ANKS1B: variants seen among roughly 807,000 people sequenced by gnomAD.
ANKS1B encodes ankyrin repeat and sterile alpha motif domain-containing protein 1B.
ANKS1B carries 36 observed loss-of-function variants against 148.3 expected under a neutral mutation model. The observed-to-expected ratio is 0.24, with a 90% CI of 0.19 to 0.32. The LOEUF (loss-of-function observed/expected upper bound fraction) is 0.32. Among genes scored for constraint, ANKS1B ranks in the 10% least tolerant of loss-of-function variants. The pLI is 1.00. For synonymous variants in ANKS1B, 542 were observed against 560.8 expected (o/e 0.97, Z 0.47); for missense variants, 1,157 against 1,542.6 (o/e 0.75, Z 4.19).
intron 9 of ANKS1B, among the ~76,000 whole-genome samples, chr12:99,540,074 G>A (rs1336177587): frequency 2.6e-5 from 4 of 151,360 alleles, no homozygotes; most frequent in Admixed American, 2.6e-4. Context: ...CAAAAAAAAA[G>A]ACATTTTATA....
chr12:99,534,459 G>C lies in ANKS1B; in HGVS notation c.1273-29818C>G, dbSNP rs140096174. On this transcript the variant is annotated intron_variant, in intron 9 of 26. Transcript: ENST00000683438. ...AAATAATGATGAATCCATATGCTGAGAGAAAAGCATTGTGTTCTAAATGAC... is the reference window on the plus strand; with the variant it reads ...AAATAATGATGAATCCATATGCTGACAGAAAAGCATTGTGTTCTAAATGAC... 1.8e-3 allele frequency among the ~76,000 whole-genome samples: 267 copies of C among 152,288 alleles called. 1 individual carries two copies. The highest frequency in any genetic ancestry group is 6.8e-3 in the Middle Eastern group (2 of 292).
intron 25 of ANKS1B, among the ~76,000 whole-genome samples, chr12:98,767,156 A>G (rs1293389278): frequency 6.6e-6 from 1 of 152,016 alleles, no homozygotes; most frequent in East Asian, 1.9e-4. Flanking sequence ...GAGAAAACCA[A>G]CAAGCAAACT....
intron 23 of ANKS1B, chr12:98,781,586 T>A (rs192867312): frequency 7.9e-6 from 3 of 379,536 alleles, no homozygotes; most frequent in East Asian, 1.4e-4. Context: ...CACATCGGAC[T>A]TAACTCCAAG....
intron 8 of ANKS1B, among the ~76,000 whole-genome samples, chr12:99,758,429 G>C (rs1308711960): frequency 1.3e-5 from 2 of 151,822 alleles, no homozygotes; most frequent in South Asian, 4.1e-4. Context: ...GCTACCATTC[G>C]TTTAGTGTGT....
intron 1 of ANKS1B, among the ~76,000 whole-genome samples, chr12:99,937,374 G>C (rs1171051342): frequency 6.6e-6 from 1 of 152,154 alleles, no homozygotes; most frequent in African/African-American, 2.4e-5. Flanking sequence ...CAGCTACATG[G>C]TCAATAAGTA....
intron 14 of ANKS1B, among the ~76,000 whole-genome samples, chr12:99,166,718 T>C (rs2077219686): frequency 6.6e-6 from 1 of 152,170 alleles, no homozygotes; most frequent in African/African-American, 2.4e-5. Context: ...TTAATCCTAA[T>C]CAAAATCCCA....
chr12:99,668,035 G>A (rs1397677650), intron 8 of ANKS1B, among the ~76,000 whole-genome samples: 1 of 152,052 alleles, frequency 6.6e-6, no homozygotes, highest in Non-Finnish European at 1.5e-5. Flanking sequence ...TCACAGTAAT[G>A]CTGACTTCAT....
chr12:99,225,414 T>C (rs1212583933), intron 14 of ANKS1B, among the ~76,000 whole-genome samples: 2 of 152,206 alleles, frequency 1.3e-5, no homozygotes, highest in Non-Finnish European at 2.9e-5. Flanking sequence ...TTGGGTTTTC[T>C]AAAATGTGAT....
intron 4 of ANKS1B, among the ~76,000 whole-genome samples, chr12:99,791,430 T>C (rs1255078178): frequency 2.0e-5 from 3 of 151,614 alleles, no homozygotes; most frequent in African/African-American, 4.8e-5. Flanking sequence ...AAATGGAACA[T>C]TTTATCTGAT....
At chr12:99,290,087 A>G (rs1023574340) in intron 12 of ANKS1B, among the ~76,000 whole-genome samples, 2 of 151,846 alleles carry the variant, frequency 1.3e-5, no homozygotes, top group South Asian at 4.1e-4. Context: ...AGGAGATACT[A>G]CAACTGATAC....
In ANKS1B at chr12:99,632,758, TATATATATA is replaced by T. The variant is rs1567522923; in HGVS notation, c.1272+22300_1272+22308del. Among the ~76,000 whole-genome samples the T allele has an allele frequency of 7.6e-3, 663 of 87,280 alleles. 27 individuals carry two copies. The highest frequency in any genetic ancestry group is 0.016 in the African/African-American group (399 of 24,498). The allele number at this position is 87,280 out of a possible 152,430, so 57.3% of individuals were successfully genotyped here. On this transcript the variant is annotated intron_variant, in intron 9 of 26. Coordinates refer to ENST00000683438, the MANE Select transcript of ANKS1B (RefSeq NM_001352186.2). ...ATATATATATATATATATATATATA[TATATATATA>T]TTTTAATTATACTTTAAGTTCTAGG... is the stretch of plus-strand genomic sequence containing the variant.
intron 16 of ANKS1B, among the ~76,000 whole-genome samples, chr12:99,074,844 C>T (rs1269753430): frequency 1.3e-5 from 2 of 152,154 alleles, no homozygotes; most frequent in African/African-American, 4.8e-5. Flanking sequence ...ATTAACTGGG[C>T]ATTACTATGT....
At chr12:99,154,157 A>G in intron 15 of ANKS1B, 132 bp downstream of exon 15, 1 of 1,146,676 alleles carries the variant, frequency 8.7e-7, no homozygotes, top group Admixed American at 2.6e-5. Flanking sequence ...AAGGGCATCC[A>G]ATTTTCCAAT....
intron 11 of ANKS1B, among the ~76,000 whole-genome samples, chr12:99,424,543 T>C (rs1229910322): frequency 1.3e-5 from 2 of 151,764 alleles, no homozygotes; most frequent in Admixed American, 6.6e-5. Context: ...TTGAAAAAAA[T>C]AGACTATCAC....
At chr12:99,895,026 A>G (rs2093331748) in intron 1 of ANKS1B, among the ~76,000 whole-genome samples, 1 of 151,046 alleles carries the variant, frequency 6.6e-6, no homozygotes, top group Admixed American at 6.6e-5. Flanking sequence ...TTTGTATAAT[A>G]GTTAATTTTA....
At chr12:99,498,271 T>C (rs2096622961) in intron 10 of ANKS1B, among the ~76,000 whole-genome samples, 1 of 152,204 alleles carries the variant, frequency 6.6e-6, no homozygotes, top group African/African-American at 2.4e-5. Flanking sequence ...CATGCCATGT[T>C]CACTTCTGCT....
chr12:99,983,983 T>C, intron 1 of ANKS1B, 121 bp downstream of exon 1: 4 of 863,676 alleles, frequency 4.6e-6, no homozygotes, highest in Non-Finnish European at 7.2e-6. Context: ...TCTGTTTTCC[T>C]ACCTAATTTA....
intron 9 of ANKS1B, among the ~76,000 whole-genome samples, chr12:99,597,220 A>ATACT (rs1192816954): frequency 2.0e-5 from 3 of 150,712 alleles, no homozygotes; most frequent in African/African-American, 7.3e-5. Context: ...ATAATACATA[A>ATACT]TACTTGCCTT....
intron 17 of ANKS1B, among the ~76,000 whole-genome samples, chr12:98,864,186 G>A (rs1302696984): frequency 6.7e-6 from 1 of 149,288 alleles, no homozygotes; most frequent in African/African-American, 2.5e-5. Context: ...TAATATTTGT[G>A]CATACTTATG....
Sources: allele counts gnomAD v4.1 joint callset (sites outside exome capture counted in the v4.1 genomes callset), GRCh38; gene constraint gnomAD v4.1.1; transcripts MANE v1.5; gene names NCBI Gene and HGNC (gene_info 2026-07-23, HGNC 2026-07-21).